ADAMTS13: variants seen among roughly 807,000 people sequenced by gnomAD.
ADAMTS13 encodes the protein ADAM metallopeptidase with thrombospondin type 1 motif 13, also known as A disintegrin and metalloproteinase with thrombospondin motifs 13.
In ADAMTS13, 110 loss-of-function variants were observed where a neutral mutation model predicts 155.1. The observed-to-expected ratio is 0.71, with a 90% CI of 0.61 to 0.83. The LOEUF is 0.83. Ranked by LOEUF, ADAMTS13 falls within the 40% of genes least tolerant of loss-of-function variation. The pLI is 0.00. For synonymous variants in ADAMTS13, 758 were observed against 756.4 expected (o/e 1.00, Z -0.03); for missense variants, 1,707 against 1,891.7 (o/e 0.90, Z 1.81).
Position 133,449,504 on chromosome 9 carries a change from C to T in ADAMTS13, c.2862-279C>T, listed in dbSNP as rs1842294475. 2.6e-5 allele frequency among the ~76,000 whole-genome samples: 4 copies of T among 152,100 alleles called. No individual in the cohort carries two copies. The South Asian group carries it at 8.3e-4, about 32-fold the overall frequency. Reference sequence around the variant, plus strand: ...CACTGTTGAAGACAGACATGCAGGGCCCTTGGGTGCCCGGACCCCTGCCCC... The same window carrying T: ...CACTGTTGAAGACAGACATGCAGGGTCCTTGGGTGCCCGGACCCCTGCCCC... On this transcript the variant is annotated intron_variant, in intron 22 of 28. Transcript: ENST00000355699.
At position 133,441,004 on chromosome 9, in the gene ADAMTS13, G is replaced by C. The variant is rs587755899; in HGVS notation, c.1968+479G>C. On this transcript the variant is annotated intron_variant, in intron 16 of 28. Coordinates refer to ENST00000355699, the MANE Select transcript of ADAMTS13 (RefSeq NM_139027.6). The surrounding 1 kb of genome is among the most constrained non-coding windows in gnomAD (Gnocchi z 5.0). ...CAGTGGCATCTGGGGAGTAGGCCTT[G>C]GTGCTGAGGAAGCTGAGAACAGATG... is the stretch of plus-strand genomic sequence containing the variant. Among the ~76,000 whole-genome samples, 3 of 152,272 alleles carry C rather than the reference G, an allele frequency of 2.0e-5. No individual in the cohort carries two copies. The South Asian group carries it at 6.2e-4, about 32-fold the overall frequency.
At chr9:133,454,386 C>T (rs1431029631) in intron 23 of ADAMTS13, 29 bp from the exon 24 acceptor site, 1 of 1,612,422 alleles carries the variant, frequency 6.2e-7, no homozygotes, top group Non-Finnish European at 8.5e-7. Context: ...GGAGACCTAG[C>T]CTCTCTCTGG....
At position 133,422,546 on chromosome 9, in the gene ADAMTS13, C is replaced by T; in HGVS notation, c.103C>T (p.Gln35Ter). The T allele has an allele frequency of 6.2e-7, 1 of 1,614,092 alleles. No individual in the cohort carries two copies. ...CTGCTGGGGACCCTCCCATTTCCAGCAGGTGGGCTCATTTGCAGGAGCGGG... is the reference window on the plus strand; with the variant it reads ...CTGCTGGGGACCCTCCCATTTCCAGTAGGTGGGCTCATTTGCAGGAGCGGG... ...LGCWGPSHFQ[Q>*]SCLQALEPQA... Residue 35 changes from glutamine (Q) to a stop codon, truncating the protein, a stop_gained and splice_region_variant, in exon 1 of 29, where the codon CAG becomes TAG. Transcript: ENST00000355699. LOFTEE classifies it high-confidence loss of function.
chr9:133,454,740 G>A (rs782284776), intron 24 of ADAMTS13, 121 bp downstream of exon 24: 2 of 1,288,736 alleles, frequency 1.6e-6, no homozygotes, highest in Non-Finnish European at 2.1e-6. Flanking sequence ...GAAGGAGAGA[G>A]CTGCGCCCGT....
chr9:133,417,710 T>C, upstream of ADAMTS13: 1 of 1,614,142 alleles, frequency 6.2e-7, no homozygotes, highest in Non-Finnish European at 8.5e-7. Flanking sequence ...GCTTCTTGCT[T>C]ACTTCCCGCG....
chr9:133,438,440 GCAGGGGCTGCTCAGGTCA>G, intron 14 of ADAMTS13, 74 bp downstream of exon 14: 2 of 1,594,218 alleles, frequency 1.3e-6, no homozygotes, highest in Non-Finnish European at 1.7e-6. Context: ...GAGCGTTGGT[GCAGGGGCTGCTCAGGTCA>G]CAGGGCCTGC....
Position 133,439,549 on chromosome 9 carries a change from G to A in ADAMTS13, c.1786+103G>A. Reference sequence around the variant, plus strand: ...TCTGACATCACCCGCAAGTTCAGGGGGTTCCCCAAACCACCCTCAGGCTTG... The same window carrying A: ...TCTGACATCACCCGCAAGTTCAGGGAGTTCCCCAAACCACCCTCAGGCTTG... On this transcript the variant is annotated intron_variant, in intron 15 of 28. Coordinates refer to ENST00000355699, the MANE Select transcript of ADAMTS13 (RefSeq NM_139027.6). 4.5e-6 allele frequency: 5 copies of A among 1,105,528 alleles called. No individual in the cohort carries two copies. The South Asian group carries it at 6.2e-5, about 14-fold the overall frequency. 68.5% of individuals were successfully genotyped at this position (1,105,528 alleles called of 1,614,324 possible). A position where few individuals can be genotyped will look rare whatever the true frequency, so the allele number is the denominator to read the frequency against.
At chr9:133,446,141 C>T (rs587683142) in intron 21 of ADAMTS13, among the ~76,000 whole-genome samples, 9 of 152,288 alleles carry the variant, frequency 5.9e-5, no homozygotes, top group Admixed American at 5.9e-4. Flanking sequence ...AGATACACAG[C>T]GTTCTTCTAT....
Position 133,439,271 on chromosome 9 carries a change from GT to G in ADAMTS13, c.1706-93del. On this transcript the variant is annotated intron_variant, in intron 14 of 28. Coordinates refer to ENST00000355699, the MANE Select transcript of ADAMTS13 (RefSeq NM_139027.6). ...CTGCTGGAGCCAGCCCCATGGCATT[GT>G]TCAATTTTTCCCGACCAGCTAAGAT... 3 of 989,814 alleles carry G rather than the reference GT, an allele frequency of 3.0e-6. No homozygotes were observed. In the East Asian group the frequency reaches 7.2e-5, roughly 24 times the overall value. 61.3% of individuals were successfully genotyped at this position (989,814 alleles called of 1,614,324 possible). A position where few individuals can be genotyped will look rare whatever the true frequency, so the allele number is the denominator to read the frequency against.
rs950226850 is a variant in ADAMTS13 at position 133,441,399 on chromosome 9, C to A, written c.1968+874C>A. ...GACATTGTATCCAGATGCTAGCTGC[C>A]GAGTGGCTCTCCCATCATCCTCTGC... On this transcript the variant is annotated intron_variant, in intron 16 of 28. Coordinates refer to ENST00000355699, the MANE Select transcript of ADAMTS13 (RefSeq NM_139027.6). This position sits in a 1 kb window ranked among gnomAD's most constrained non-coding sequence, Gnocchi z 5.0. Among the ~76,000 whole-genome samples, 14 of 152,324 alleles carry A rather than the reference C, an allele frequency of 9.2e-5. No homozygotes were observed. The East Asian group carries it at 2.7e-3, about 29-fold the overall frequency.
chr9:133,426,371 A>G, intron 6 of ADAMTS13, 26 bp downstream of exon 6: 1 of 1,598,864 alleles, frequency 6.3e-7, no homozygotes, highest in Non-Finnish European at 8.5e-7. Flanking sequence ...AGCTGTCCCC[A>G]GGATCTGGCA....
chr9:133,454,435 G>A lies in ADAMTS13; in HGVS notation c.3065G>A (p.Gly1022Asp), dbSNP rs1842619907. The change falls in exon 24 of 29, where the codon GGC becomes GAC. Residue 1022 changes from glycine to aspartate, a missense_variant. Gly to Asp is a moderately conservative substitution (Grantham distance 94, BLOSUM62 -1). This residue lies in a region of ADAMTS13 where 961 missense variants were observed against 1,107.9 expected (regional missense o/e 0.87). Coordinates refer to ENST00000355699, the MANE Select transcript of ADAMTS13 (RefSeq NM_139027.6). Reference protein sequence around the residue: ...CPPRWKVMSLGPCSASCGLGT... With the variant: ...CPPRWKVMSLDPCSASCGLGT... The stretch of plus-strand genomic sequence containing the variant: ...TGCAGGTGGAAAGTCATGTCCCTTG[G>A]CCCATGTTCGGCCAGCTGTGGCCTT... The A allele has an allele frequency of 2.5e-6, 4 of 1,613,738 alleles. No individual in the cohort carries two copies. Among genetic ancestry groups the A allele is most frequent in the Non-Finnish European group, 3.4e-6 (4 of 1,180,038 alleles).
In ADAMTS13 at chr9:133,438,140, G is replaced by A. The variant is rs909674767; in HGVS notation, c.1585-106G>A. On this transcript the variant is annotated intron_variant, in intron 13 of 28. Coordinates refer to ENST00000355699, the MANE Select transcript of ADAMTS13 (RefSeq NM_139027.6). ...GTAGATGGTGGGGTGCTATAGAAGT[G>A]TTGCTGGTTTTGTGGATCCCAGAAT... is the stretch of plus-strand genomic sequence containing the variant. 11 of 1,588,600 alleles carry A rather than the reference G, an allele frequency of 6.9e-6. 1 individual carries two copies.
chr9:133,426,955 C>T (rs1341880477), intron 6 of ADAMTS13, among the ~76,000 whole-genome samples: 2 of 152,152 alleles, frequency 1.3e-5, no homozygotes, highest in Non-Finnish European at 2.9e-5. Flanking sequence ...AGGCATGTGC[C>T]ACCACGCCCA....
Position 133,442,537 on chromosome 9 carries a change from G to A in ADAMTS13, c.2104+3G>A. 6.2e-7 allele frequency: 1 copy of A among 1,613,580 alleles called. No homozygotes were observed. The highest frequency in any genetic ancestry group is 1.7e-5 in the Admixed American group (1 of 60,036). ...CTGCTCGGTGAGCTGTGGGGCAGGT[G>A]AGACCTGGGGAAGGCTCATCCACAG... On this transcript the variant is annotated splice_donor_region_variant and intron_variant, in intron 17 of 28. Coordinates refer to ENST00000355699, the MANE Select transcript of ADAMTS13 (RefSeq NM_139027.6).
intron 23 of ADAMTS13, among the ~76,000 whole-genome samples, chr9:133,450,398 G>C (rs1554794032): frequency 6.6e-6 from 1 of 151,804 alleles, no homozygotes. Context: ...CAGAAACCCT[G>C]TCTCTACTAA....
At chr9:133,450,691 G>T (rs1554794111) in intron 23 of ADAMTS13, among the ~76,000 whole-genome samples, 1 of 152,252 alleles carries the variant, frequency 6.6e-6, no homozygotes, top group African/African-American at 2.4e-5. Context: ...GGAGGTTGCA[G>T]TGAGCCGAGA....
chr9:133,432,222 G>A (rs933872176), intron 8 of ADAMTS13, among the ~76,000 whole-genome samples: 7 of 152,074 alleles, frequency 4.6e-5, no homozygotes, highest in African/African-American at 7.2e-5. Flanking sequence ...CCAAGATCGC[G>A]CCATTGCCCT....
intron 19 of ADAMTS13, 106 bp downstream of exon 19, chr9:133,443,667 C>T (rs919259267): frequency 4.8e-5 from 61 of 1,280,450 alleles, no homozygotes; most frequent in East Asian, 7.7e-5. Flanking sequence ...AGGCCTCCGG[C>T]GGGGCCTCAC....
Sources: allele counts gnomAD v4.1 joint callset (sites outside exome capture counted in the v4.1 genomes callset), GRCh38; gene constraint gnomAD v4.1.1; regional missense constraint gnomAD v4.1.1; non-coding constraint Gnocchi (gnomAD v3.1); transcripts MANE v1.5; gene names NCBI Gene and HGNC (gene_info 2026-07-23, HGNC 2026-07-21).